SCN3A: variants seen among roughly 807,000 people sequenced by gnomAD.
The protein encoded by SCN3A is sodium voltage-gated channel alpha subunit 3.
A neutral mutation model predicts 187.6 loss-of-function variants in SCN3A; 60 were observed. That is an observed-to-expected ratio of 0.32 (90% CI 0.26 to 0.40). The LOEUF is 0.40. Among genes scored for constraint, SCN3A ranks in the 10% least tolerant of loss-of-function variants. The pLI is 1.00. For missense variants in SCN3A, 1,601 were observed against 2,428.2 expected (o/e 0.66, Z 7.16); for synonymous variants, 788 against 829.2 (o/e 0.95, Z 0.85).
Position 165,146,378 on chromosome 2 carries a change from A to ATG in SCN3A, c.1671+360_1671+361insCA, listed in dbSNP as rs766552981. On this transcript the variant is annotated intron_variant, in intron 12 of 27. Coordinates refer to ENST00000283254, the MANE Select transcript of SCN3A (RefSeq NM_006922.4). ...GTCTGCTAGTGTAGGTTATATATAT[A>ATG]TATATGTGTGTGTGTGTGTGTGTGT... 5.1e-5 allele frequency among the ~76,000 whole-genome samples: 7 copies of ATG among 137,458 alleles called. No homozygotes were observed. The East Asian group carries it at 8.1e-4, about 16-fold the overall frequency. 90.2% of individuals were successfully genotyped at this position (137,458 alleles called of 152,430 possible).
intron 14 of SCN3A, 139 bp from the exon 15 acceptor site, chr2:165,138,256 A>T (rs1687789879): frequency 1.5e-6 from 1 of 676,464 alleles, no homozygotes; most frequent in Non-Finnish European, 2.6e-6. Context: ...ACTTGAGAAG[A>T]CAATCCCATT....
At chr2:165,174,339 C>G (rs1475137019) in intron 3 of SCN3A, among the ~76,000 whole-genome samples, 2 of 152,130 alleles carry the variant, frequency 1.3e-5, no homozygotes, top group Admixed American at 6.6e-5. Context: ...AGGTTTCTTG[C>G]TGAATATGGA....
At chr2:165,122,234 TTTTTC>T (rs1307421291) in intron 18 of SCN3A, among the ~76,000 whole-genome samples, 4 of 118,194 alleles carry the variant, frequency 3.4e-5, no homozygotes, top group Non-Finnish European at 6.9e-5. Flanking sequence ...TTCTTTCTTT[TTTTTC>T]TTTTTTTTTT....
chr2:165,096,802 T>G (rs1685382959), intron 23 of SCN3A, among the ~76,000 whole-genome samples: 1 of 152,166 alleles, frequency 6.6e-6, no homozygotes, highest in Admixed American at 6.5e-5. Flanking sequence ...TTCCCTTATA[T>G]GTTAAAGTGT....
At chr2:165,189,297 G>A (rs1179791174) in intron 1 of SCN3A, among the ~76,000 whole-genome samples, 2 of 152,148 alleles carry the variant, frequency 1.3e-5, no homozygotes, top group Non-Finnish European at 2.9e-5. Context: ...ATGCAAAAAA[G>A]TCTTTCTCTG....
At chr2:165,148,366 A>AAT (rs1264838856) in intron 11 of SCN3A, among the ~76,000 whole-genome samples, 1 of 152,114 alleles carries the variant, frequency 6.6e-6, no homozygotes, top group Non-Finnish European at 1.5e-5. Flanking sequence ...CTGTCATAAC[A>AAT]GTCTATATAA....
chr2:165,192,354 G>T (rs998187638), intron 1 of SCN3A, among the ~76,000 whole-genome samples: 51 of 152,032 alleles, frequency 3.4e-4, no homozygotes, highest in Non-Finnish European at 4.7e-4. Flanking sequence ...AATGATAATA[G>T]AGAACAGTGA....
In SCN3A at chr2:165,125,222, C is replaced by G. The variant is rs74950197; in HGVS notation, c.3393+2409G>C. On this transcript the variant is annotated intron_variant, in intron 18 of 27. Transcript: ENST00000283254. Reference sequence around the variant, plus strand: ...GTATATTTGACCCAAACTTTGAGGTCTATTTCAATTTTATCTCTTCCATTT... The same window carrying G: ...GTATATTTGACCCAAACTTTGAGGTGTATTTCAATTTTATCTCTTCCATTT... Among the ~76,000 whole-genome samples, 156 of 152,190 alleles carry G rather than the reference C, an allele frequency of 1.0e-3. 4 individuals are homozygous for G. In the East Asian group the frequency reaches 0.024, roughly 23 times the overall value.
intron 21 of SCN3A, among the ~76,000 whole-genome samples, chr2:165,109,711 C>A (rs1165431782): frequency 6.6e-6 from 1 of 152,164 alleles, no homozygotes; most frequent in Non-Finnish European, 1.5e-5. Context: ...CAGATATGAT[C>A]ATTTTGTAAC....
chr2:165,095,953 A>G (rs533880189), intron 24 of SCN3A, among the ~76,000 whole-genome samples: 11 of 152,030 alleles, frequency 7.2e-5, no homozygotes, highest in South Asian at 2.1e-4. Flanking sequence ...TTTTTGCAGT[A>G]TTTTCTGTTT....
chr2:165,202,866 C>T (rs1206251686), intron 1 of SCN3A, among the ~76,000 whole-genome samples: 6 of 151,898 alleles, frequency 4.0e-5, no homozygotes, highest in Non-Finnish European at 8.8e-5. Context: ...ATTTTAAAAC[C>T]CTGTATGATT....
chr2:165,125,515 C>G (rs1420508939), intron 18 of SCN3A, among the ~76,000 whole-genome samples: 1 of 152,078 alleles, frequency 6.6e-6, no homozygotes, highest in Non-Finnish European at 1.5e-5. Flanking sequence ...GACAGGGTTT[C>G]ACCGTACTAG....
At chr2:165,178,643 T>C (rs1169685317) in intron 2 of SCN3A, among the ~76,000 whole-genome samples, 1 of 152,216 alleles carries the variant, frequency 6.6e-6, no homozygotes, top group African/African-American at 2.4e-5. Flanking sequence ...AGTTATAAAA[T>C]AAAATAGCAG....
chr2:165,155,840 G>A lies in SCN3A; in HGVS notation c.1095C>T (p.Ser365=), dbSNP rs762422656. ...AGRNPNYGYT[S]FDTFSWAFLS... ...GGAAAGCCCAGCTAAAGGTGTCAAA[G>A]CTTGTGTAGCCATAGTTGGGGTTTC... The change falls in exon 10 of 28, where the codon AGC becomes AGT. Residue 365 remains serine (S), a synonymous_variant. Transcript: ENST00000283254. 1 of 1,614,140 alleles carries A rather than the reference G, an allele frequency of 6.2e-7. No individual in the cohort carries two copies. Among genetic ancestry groups the A allele is most frequent in the Middle Eastern group, 1.6e-4 (1 of 6,062 alleles).
In SCN3A at chr2:165,140,809, G is replaced by A. The variant is rs1416035110; in HGVS notation, c.1861C>T (p.Arg621Cys). ...LFVPHRHGER[R>C]NSNVSQASMS... ...CTGGCCTGACTAACGTTACTGTTGC[G>A]TCGCTCTCCATGTCTGTGCGGCACA... Residue 621 changes from arginine (R) to cysteine (C), a missense_variant, in exon 13 of 28, where the codon CGC (arginine) becomes TGC (cysteine). Around this residue, in one of 11 missense-constraint regions of SCN3A, gnomAD observed 376 missense variants for 476.0 expected, o/e 0.79. Transcript: ENST00000283254. The surrounding 1 kb of genome is among the most constrained non-coding windows in gnomAD (Gnocchi z 4.2). The A allele has an allele frequency of 4.3e-6, 7 of 1,614,106 alleles. No homozygotes were observed. The highest frequency in any genetic ancestry group is 1.3e-5 in the African/African-American group (1 of 75,036).
At chr2:165,120,819 G>A (rs1306541621) in intron 18 of SCN3A, among the ~76,000 whole-genome samples, 1 of 144,114 alleles carries the variant, frequency 6.9e-6, no homozygotes. Context: ...TTTTTTTCAC[G>A]ATCACTTATC....
intron 22 of SCN3A, among the ~76,000 whole-genome samples, chr2:165,099,087 G>T (rs1240993610): frequency 6.6e-6 from 1 of 152,138 alleles, no homozygotes; most frequent in African/African-American, 2.4e-5. Context: ...AGAGTCTGGA[G>T]AGTGGCTTAA....
In SCN3A at chr2:165,137,904, C is replaced by G. The variant is rs1330030130; in HGVS notation, c.2366G>C (p.Ser789Thr). Residue 789 changes from serine (S) to threonine (T), a missense_variant, in exon 15 of 28, where the codon AGT (serine) becomes ACT (threonine). Around this residue, in one of 11 missense-constraint regions of SCN3A, gnomAD observed 376 missense variants for 476.0 expected, o/e 0.79. Coordinates refer to ENST00000283254, the MANE Select transcript of SCN3A (RefSeq NM_006922.4). ...CAGGTTTCCTACAGTCAACACACTA[C>G]TGAATTGCTCAGTCATGGGGTAGTG... ...MEHYPMTEQF[S>T]SVLTVGNLVF... 6.2e-7 allele frequency: 1 copy of G among 1,612,906 alleles called. No individual in the cohort carries two copies. The highest frequency in any genetic ancestry group is 2.2e-5 in the East Asian group (1 of 44,846).
intron 18 of SCN3A, chr2:165,119,733 T>C (rs1485996523): frequency 6.6e-6 from 1 of 152,146 alleles, no homozygotes; most frequent in African/African-American, 2.4e-5. Flanking sequence ...GACCAATAAA[T>C]ATAAAGAATA....
Sources: allele counts gnomAD v4.1 joint callset (sites outside exome capture counted in the v4.1 genomes callset), GRCh38; gene constraint gnomAD v4.1.1; regional missense constraint gnomAD v4.1.1; non-coding constraint Gnocchi (gnomAD v3.1); transcripts MANE v1.5; gene names NCBI Gene and HGNC (gene_info 2026-07-23, HGNC 2026-07-21).